Variants in GRAMD1B observed in about 807,000 individuals in gnomAD.
The protein encoded by GRAMD1B is protein Aster-B.
Under a neutral mutation model 99.7 loss-of-function variants are expected in GRAMD1B, and 37 were observed. That is an observed-to-expected ratio of 0.37 (90% CI 0.29 to 0.49). The LOEUF is 0.49. Among genes scored for constraint, GRAMD1B ranks in the 20% least tolerant of loss-of-function variants. The probability of loss-of-function intolerance (pLI) is 0.98; values close to 1 mark genes in which losing one functional copy is unlikely to be tolerated. For synonymous variants in GRAMD1B, 427 were observed against 387.6 expected (o/e 1.10, Z -1.19); for missense variants, 888 against 1,009.2 (o/e 0.88, Z 1.63).
intron 1 of GRAMD1B, among the ~76,000 whole-genome samples, chr11:123,371,651 A>G (rs566205692): frequency 6.6e-4 from 101 of 152,292 alleles, no homozygotes; most frequent in Non-Finnish European, 8.8e-4. Flanking sequence ...ACACAGACAC[A>G]TGCTTTTTTA....
chr11:123,589,078 G>T lies in GRAMD1B; in HGVS notation c.684+4746G>T, dbSNP rs541799614. 4.1e-4 allele frequency among the ~76,000 whole-genome samples: 62 copies of T among 151,828 alleles called. No homozygotes were observed. In the South Asian group the frequency reaches 0.012, roughly 30 times the overall value. ...TCCTACAAACCTTTGTTTGTGACCG[G>T]AATGTGTCACATGAGCAGCGTGTCA... is the stretch of plus-strand genomic sequence containing the variant. On this transcript the variant is annotated intron_variant, in intron 4 of 19. Transcript: ENST00000635736.
chr11:123,363,576 T>G lies in GRAMD1B; in HGVS notation c.-176+4777T>G, dbSNP rs148809072. Among the ~76,000 whole-genome samples, 182 of 149,874 alleles carry G rather than the reference T, an allele frequency of 1.2e-3. 2 individuals are homozygous for G. The highest frequency in any genetic ancestry group is 4.3e-3 in the African/African-American group (167 of 39,266). ...TCTCATACTCTCTCTCATACTTTTT[T>G]TTTGTTTGTTTTTTTTTGGCACTGG... On this transcript the variant is annotated intron_variant, in intron 1 of 20. Transcript: ENST00000638157.
intron 2 of GRAMD1B, among the ~76,000 whole-genome samples, chr11:123,506,725 T>G (rs1020741250): frequency 6.6e-6 from 1 of 152,148 alleles, no homozygotes; most frequent in Non-Finnish European, 1.5e-5. Context: ...TGGGTTTTAT[T>G]TAGACAACCT....
At chr11:123,431,435 C>T (rs1423097353) in intron 1 of GRAMD1B, among the ~76,000 whole-genome samples, 1 of 152,236 alleles carries the variant, frequency 6.6e-6, no homozygotes, top group Non-Finnish European at 1.5e-5. Flanking sequence ...CCTTGATCCT[C>T]GCAGCGAAAT....
chr11:123,576,100 C>G (rs1231297503), intron 2 of GRAMD1B, among the ~76,000 whole-genome samples: 2 of 152,156 alleles, frequency 1.3e-5, no homozygotes, highest in East Asian at 1.9e-4. Flanking sequence ...TTGCCTTTCT[C>G]TCTGCTAAGG....
Position 123,417,623 on chromosome 11 carries a change from T to C in GRAMD1B, c.-176+58824T>C, listed in dbSNP as rs558759213. ...AATGATCACACATACCCCCAAAATA[T>C]GCACACCTATCATATTTCAATGAAA... is the stretch of plus-strand genomic sequence containing the variant. On this transcript the variant is annotated intron_variant, in intron 1 of 20. Transcript: ENST00000638157. Among the ~76,000 whole-genome samples, 6 of 152,140 alleles carry C rather than the reference T, an allele frequency of 3.9e-5. No individual in the cohort carries two copies. In the South Asian group the frequency reaches 1.2e-3, roughly 32 times the overall value.
chr11:123,479,043 C>T (rs1951447031), intron 1 of GRAMD1B, among the ~76,000 whole-genome samples: 1 of 152,156 alleles, frequency 6.6e-6, no homozygotes, highest in Admixed American at 6.5e-5. Context: ...TGGTAATAGG[C>T]AAATCCATCC....
At chr11:123,467,486 T>C (rs1275434891) in intron 1 of GRAMD1B, among the ~76,000 whole-genome samples, 1 of 147,918 alleles carries the variant, frequency 6.8e-6, no homozygotes, top group African/African-American at 2.5e-5. Context: ...ATGGAGGCGC[T>C]GTCAGGCTTG....
Position 123,595,941 on chromosome 11 carries a change from G to A in GRAMD1B, c.874-1G>A. The A allele has an allele frequency of 6.3e-7, 1 of 1,592,584 alleles. No individual in the cohort carries two copies. Among genetic ancestry groups the A allele is most frequent in the Non-Finnish European group, 8.6e-7 (1 of 1,165,576 alleles). On this transcript the variant is annotated splice_acceptor_variant, in intron 6 of 19. Coordinates refer to ENST00000635736, the MANE Select transcript of GRAMD1B (RefSeq NM_001387025.1). LOFTEE classifies it high-confidence loss of function. Reference sequence around the variant, plus strand: ...CCATTCTCTGTCCTCTTGGATGCCAGCTGACAGTCCGTTTGAAAGACATCT... The same window carrying A: ...CCATTCTCTGTCCTCTTGGATGCCAACTGACAGTCCGTTTGAAAGACATCT...
rs1415302527 is a variant in GRAMD1B at position 123,430,444 on chromosome 11, A to G, written c.-349A>G. The G allele has an allele frequency of 1.8e-5, 5 of 284,172 alleles. No individual in the cohort carries two copies. The highest frequency in any genetic ancestry group is 2.2e-5 in the African/African-American group (1 of 44,900). The allele number at this position is 284,172 out of a possible 1,614,324, so 17.6% of individuals were successfully genotyped here. On this transcript the variant is annotated 5_prime_UTR_variant, in exon 1 of 20. Transcript: ENST00000635736. ...GCTGCCGAGTCCCGCTAAGGCAAAG[A>G]CGCCAGCAAGCGAGGAAGCGCAGCG...
At chr11:123,381,063 G>A (rs560308833) in intron 1 of GRAMD1B, among the ~76,000 whole-genome samples, 6 of 152,166 alleles carry the variant, frequency 3.9e-5, no homozygotes, top group South Asian at 2.1e-4. Flanking sequence ...GGGGATTCTT[G>A]AATAGAGGTG....
chr11:123,603,202 T>C (rs959749129), intron 8 of GRAMD1B, among the ~76,000 whole-genome samples: 6 of 152,230 alleles, frequency 3.9e-5, no homozygotes, highest in Non-Finnish European at 8.8e-5. Context: ...GATTGGGCAC[T>C]GAAAGGCCAG....
At chr11:123,395,611 T>C (rs1947431783) in intron 1 of GRAMD1B, among the ~76,000 whole-genome samples, 1 of 152,238 alleles carries the variant, frequency 6.6e-6, no homozygotes, top group Non-Finnish European at 1.5e-5. Flanking sequence ...GCTTGAGTAG[T>C]GGTTTTCAAT....
At position 123,600,205 on chromosome 11, in the gene GRAMD1B, C is replaced by T. The variant is rs545835949; in HGVS notation, c.970-263C>T. ...ACATTTCTTATGGAGATGAGAATTT[C>T]AAAACAGGGAGAAAAGCACTGAGGA... On this transcript the variant is annotated intron_variant, in intron 7 of 19. Coordinates refer to ENST00000635736, the MANE Select transcript of GRAMD1B (RefSeq NM_001387025.1). Among the ~76,000 whole-genome samples the T allele has an allele frequency of 1.8e-4, 27 of 152,232 alleles. 1 individual carries two copies. In the South Asian group the frequency reaches 2.9e-3, roughly 16 times the overall value.
upstream of GRAMD1B, among the ~76,000 whole-genome samples, chr11:123,430,182 T>C (rs1349981212): frequency 6.6e-6 from 1 of 151,920 alleles, no homozygotes; most frequent in Admixed American, 6.6e-5. Flanking sequence ...TGCTAGCCCA[T>C]TCAGGATAGC....
chr11:123,418,848 T>G (rs1198878369), intron 1 of GRAMD1B, among the ~76,000 whole-genome samples: 1 of 152,182 alleles, frequency 6.6e-6, no homozygotes, highest in African/African-American at 2.4e-5. Context: ...TCCACCATCA[T>G]TTTTTCATTC....
intron 1 of GRAMD1B, among the ~76,000 whole-genome samples, chr11:123,409,718 G>A (rs534943887): frequency 1.3e-5 from 2 of 152,248 alleles, no homozygotes; most frequent in Non-Finnish European, 2.9e-5. Flanking sequence ...CTGCAAACAA[G>A]GGCCTGTGAA....
chr11:123,471,817 T>C (rs1157190249), intron 1 of GRAMD1B, among the ~76,000 whole-genome samples: 4 of 152,198 alleles, frequency 2.6e-5, no homozygotes, highest in Non-Finnish European at 2.9e-5. Flanking sequence ...TAAAAATACG[T>C]ATACCTGGAC....
chr11:123,500,649 A>G (rs890914944), intron 2 of GRAMD1B, among the ~76,000 whole-genome samples: 1 of 152,154 alleles, frequency 6.6e-6, no homozygotes, highest in African/African-American at 2.4e-5. Flanking sequence ...TGGTATTATT[A>G]TTAAAATAAT....
Sources: gnomAD v4.1 joint callset for allele counts (sites outside exome capture counted in the v4.1 genomes callset) on GRCh38, gnomAD v4.1.1 for gene constraint, MANE v1.5 for transcripts, NCBI Gene and HGNC (gene_info 2026-07-23, HGNC 2026-07-21) for gene names.